The following PLLP variants were observed in gnomAD, a reference collection of about 807,000 sequenced individuals.
PLLP encodes the protein plasmolipin, also known as plasma membrane proteolipid (plasmolipin).
PLLP carries 15 observed loss-of-function variants against 19.7 expected under a neutral mutation model. The ratio of observed to expected loss-of-function variants is 0.76; its 90% CI spans 0.51 to 1.17. PLLP has a LOEUF of 1.17. Among genes scored for constraint, PLLP ranks in the 50% most tolerant of loss-of-function variants. The pLI is 0.00. For missense variants in PLLP, 255 were observed against 258.3 expected, an observed-to-expected ratio of 0.99 and a Z score of 0.09; for synonymous variants, 111 against 116.3, an observed-to-expected ratio of 0.95 and a Z score of 0.29.
Position 57,259,597 on chromosome 16 carries a change from C to T in PLLP, c.310-1013G>A, listed in dbSNP as rs548652484. ...CTGGTCCTCAAACATTCATTCAGTT[C>T]GTCCAATATACTTTTAAAAAATTAC... is the stretch of plus-strand genomic sequence containing the variant. On this transcript the variant is annotated intron_variant, in intron 2 of 3. Transcript: ENST00000219207. Among the ~76,000 whole-genome samples, 47 of 152,120 alleles carry T rather than the reference C, an allele frequency of 3.1e-4. 1 individual carries two copies. The highest frequency in any genetic ancestry group is 5.6e-4 in the Non-Finnish European group (38 of 68,014).
At chr16:57,274,644 G>T (rs1231130200) in intron 1 of PLLP, among the ~76,000 whole-genome samples, 1 of 151,936 alleles carries the variant, frequency 6.6e-6, no homozygotes, top group East Asian at 1.9e-4. Context: ...GTGGAGATGA[G>T]GTCTCACCAT....
chr16:57,271,147 A>G (rs995919849), intron 1 of PLLP, among the ~76,000 whole-genome samples: 1 of 152,208 alleles, frequency 6.6e-6, no homozygotes, highest in Non-Finnish European at 1.5e-5. Context: ...TGGGTCTCAG[A>G]GCAGAGAGCA....
rs765472395 is a variant in PLLP, at chr16:57,258,471, C to T, written c.423G>A (p.Ala141=). 17 of 1,610,926 alleles carry T rather than the reference C, an allele frequency of 1.1e-5. No homozygotes were observed. Among genetic ancestry groups the T allele is most frequent in the Non-Finnish European group, 1.4e-5 (17 of 1,179,846 alleles). The change falls in exon 3 of 4, where the codon GCG becomes GCA. Residue 141 remains alanine, a synonymous_variant. Coordinates refer to ENST00000219207, the MANE Select transcript of PLLP (RefSeq NM_015993.3). ...TGGGAAGCAGACTCACCGAGGCAGC[C>T]GCGCGCTGGTTATAAGGCCGGGTGC... The part of the protein sequence containing the change: ...LRGTRPYNQR[A]AASFFACLVM...
rs920184671 is a variant in PLLP, at chr16:57,257,146, A to G, written c.433-117T>C. Reference sequence around the variant, plus strand: ...CAGCCGCACCATCTCACACTTAGCCAGATGCATTTCACAGCTGTTTATCAT... The same window carrying G: ...CAGCCGCACCATCTCACACTTAGCCGGATGCATTTCACAGCTGTTTATCAT... On this transcript the variant is annotated intron_variant, in intron 3 of 3. Transcript: ENST00000219207. 5 of 717,094 alleles carry G rather than the reference A, an allele frequency of 7.0e-6. No individual in the cohort carries two copies. The Middle Eastern group carries it at 7.3e-4, about 105-fold the overall frequency. The allele number at this position is 717,094 out of a possible 1,614,324, so 44.4% of individuals were successfully genotyped here.
At chr16:57,261,130 G>GGC (rs1222048698) in intron 2 of PLLP, among the ~76,000 whole-genome samples, 1 of 152,078 alleles carries the variant, frequency 6.6e-6, no homozygotes, top group Non-Finnish European at 1.5e-5. Flanking sequence ...TGGGACTAGA[G>GGC]GCGCGCGCCA....
At chr16:57,272,554 G>A (rs2075479221) in intron 1 of PLLP, among the ~76,000 whole-genome samples, 1 of 152,190 alleles carries the variant, frequency 6.6e-6, no homozygotes, top group Admixed American at 6.5e-5. Context: ...TAAAGTGAGT[G>A]TCTTCCTCTC....
At chr16:57,280,831 G>A (rs1901210698) in intron 1 of PLLP, among the ~76,000 whole-genome samples, 1 of 152,130 alleles carries the variant, frequency 6.6e-6, no homozygotes, top group Non-Finnish European at 1.5e-5. Flanking sequence ...ATAAATCAAT[G>A]AACACCACCA....
At chr16:57,276,435 T>C (rs891564457) in intron 1 of PLLP, among the ~76,000 whole-genome samples, 1 of 151,700 alleles carries the variant, frequency 6.6e-6, no homozygotes, top group African/African-American at 2.4e-5. Context: ...CTACTAAAAA[T>C]ACAAAAATTA....
chr16:57,271,382 A>G (rs1469410602), intron 1 of PLLP, among the ~76,000 whole-genome samples: 1 of 151,948 alleles, frequency 6.6e-6, no homozygotes, highest in Non-Finnish European at 1.5e-5. Flanking sequence ...GATGGCTCAC[A>G]CCTGTAATTC....
chr16:57,262,677 G>A (rs2075445655), intron 1 of PLLP, among the ~76,000 whole-genome samples: 1 of 152,188 alleles, frequency 6.6e-6, no homozygotes, highest in South Asian at 2.1e-4. Flanking sequence ...AAAAGCTGCA[G>A]TGAGCTATGA....
intron 3 of PLLP, 85 bp from the exon 4 acceptor site, chr16:57,257,114 G>T (rs1567528216): frequency 2.5e-5 from 24 of 942,978 alleles, no homozygotes; most frequent in Non-Finnish European, 5.2e-6. Flanking sequence ...GGCAGGAGGG[G>T]TTGTGGCAGC....
intron 1 of PLLP, among the ~76,000 whole-genome samples, chr16:57,274,651 C>T (rs527960727): frequency 2.6e-5 from 4 of 151,914 alleles, no homozygotes; most frequent in Middle Eastern, 3.4e-3. Flanking sequence ...TGAGGTCTCA[C>T]CATGTTGGCC....
intron 1 of PLLP, among the ~76,000 whole-genome samples, chr16:57,280,908 C>G (rs34240730): frequency 0.042 from 6,374 of 152,328 alleles, 453 homozygotes; most frequent in African/African-American, 0.14. Context: ...AAAAGTGTAT[C>G]TCCTTCTCCA....
chr16:57,271,866 T>A (rs564517824), intron 1 of PLLP, among the ~76,000 whole-genome samples: 1 of 151,982 alleles, frequency 6.6e-6, no homozygotes, highest in Admixed American at 6.5e-5. Flanking sequence ...GCAGGTGGGA[T>A]CTCAGAAACT....
At chr16:57,264,026 CCCAGCAGCTGAGGGGCTGCCG>C (rs2075449750) in intron 1 of PLLP, among the ~76,000 whole-genome samples, 1 of 152,152 alleles carries the variant, frequency 6.6e-6, no homozygotes, top group Non-Finnish European at 1.5e-5. Context: ...CCTGGCTGCT[CCCAGCAGCTGAGGGGCTGCCG>C]CCAGCCCCTA....
intron 1 of PLLP, among the ~76,000 whole-genome samples, chr16:57,278,415 T>A (rs557411140): frequency 6.6e-6 from 1 of 152,210 alleles, no homozygotes; most frequent in South Asian, 2.1e-4. Flanking sequence ...TTTTCAAAAG[T>A]GCACAGGAAA....
chr16:57,275,116 CACACACACACACAT>C (rs1239578541), intron 1 of PLLP, among the ~76,000 whole-genome samples: 82 of 122,712 alleles, frequency 6.7e-4, no homozygotes, highest in African/African-American at 1.2e-3. Flanking sequence ...CACACACACA[CACACACACACACAT>C]GCATTTCAGA....
At chr16:57,280,701 A>T (rs1173818163) in intron 1 of PLLP, among the ~76,000 whole-genome samples, 1 of 152,186 alleles carries the variant, frequency 6.6e-6, no homozygotes, top group East Asian at 1.9e-4. Flanking sequence ...CTGCAAGTCA[A>T]TTCTCCCCTC....
rs117672591 is a variant in PLLP, at chr16:57,270,713, T to A, written c.136-8643A>T. Among the ~76,000 whole-genome samples, 1,424 of 151,820 alleles carry A rather than the reference T, an allele frequency of 9.4e-3. 11 individuals are homozygous for A. The highest frequency in any genetic ancestry group is 0.034 in the Middle Eastern group (10 of 294). On this transcript the variant is annotated intron_variant, in intron 1 of 3. Coordinates refer to ENST00000219207, the MANE Select transcript of PLLP (RefSeq NM_015993.3). The stretch of plus-strand genomic sequence containing the variant: ...ACACAGCCACACACCACCCCCTGAC[T>A]GTGTGAGAGGGAGGGCACCTTGGAA...
Sources: gnomAD v4.1 joint callset for allele counts (sites outside exome capture counted in the v4.1 genomes callset) on GRCh38, gnomAD v4.1.1 for gene constraint, MANE v1.5 for transcripts, NCBI Gene and HGNC (gene_info 2026-07-23, HGNC 2026-07-21) for gene names.